Variants in THSD7B observed in about 807,000 individuals in gnomAD.
The protein encoded by THSD7B is thrombospondin type-1 domain-containing protein 7B.
In THSD7B, 138 loss-of-function variants were observed where a neutral mutation model predicts 213.6. The ratio of observed to expected loss-of-function variants is 0.65; its 90% CI spans 0.56 to 0.74. The LOEUF (loss-of-function observed/expected upper bound fraction) is 0.74. Among genes scored for constraint, THSD7B ranks in the 30% least tolerant of loss-of-function variants. THSD7B has a pLI of 0.00. For synonymous variants in THSD7B, 742 were observed against 687.0 expected, an observed-to-expected ratio of 1.08 and a Z score of -1.25; for missense variants, 1,931 against 1,991.5, an observed-to-expected ratio of 0.97 and a Z score of 0.58.
chr2:137,531,350 A>G (rs979889923), intron 15 of THSD7B, among the ~76,000 whole-genome samples: 1 of 151,970 alleles, frequency 6.6e-6, no homozygotes, highest in Non-Finnish European at 1.5e-5. Context: ...TGCCCTTGAC[A>G]CATCGTTTTG....
At chr2:137,433,664 C>T (rs1344491764) in intron 14 of THSD7B, among the ~76,000 whole-genome samples, 1 of 152,050 alleles carries the variant, frequency 6.6e-6, no homozygotes, top group African/African-American at 2.4e-5. Context: ...TATTTTTCTA[C>T]TTTCTCTAGG....
At chr2:137,532,256 A>G (rs1680412197) in intron 15 of THSD7B, among the ~76,000 whole-genome samples, 1 of 151,904 alleles carries the variant, frequency 6.6e-6, no homozygotes, top group Non-Finnish European at 1.5e-5. Context: ...TCTTCTGTAT[A>G]TCAAATGCCA....
chr2:136,800,027 T>C (rs1426819261), intron 1 of THSD7B, among the ~76,000 whole-genome samples: 1 of 152,010 alleles, frequency 6.6e-6, no homozygotes, highest in Non-Finnish European at 1.5e-5. Context: ...ATGTGTTCAC[T>C]CTAGGGGGAA....
chr2:137,657,045 A>T lies in THSD7B; in HGVS notation c.4280-20A>T. The T allele has an allele frequency of 2.5e-6, 4 of 1,613,724 alleles. No homozygotes were observed. Among genetic ancestry groups the T allele is most frequent in the Non-Finnish European group, 2.5e-6 (3 of 1,179,702 alleles). ...CTAAGTGAGGTGTAATAGAACTGCTATTATCATATTTACTTACAGGAGGCA... is the reference window on the plus strand; with the variant it reads ...CTAAGTGAGGTGTAATAGAACTGCTTTTATCATATTTACTTACAGGAGGCA... On this transcript the variant is annotated intron_variant, in intron 23 of 27. Transcript: ENST00000409968.
At chr2:137,188,914 T>A (rs1680604780) in intron 7 of THSD7B, among the ~76,000 whole-genome samples, 1 of 152,202 alleles carries the variant, frequency 6.6e-6, no homozygotes, top group African/African-American at 2.4e-5. Flanking sequence ...GAGTTTTACA[T>A]AGAGTGGTCA....
intron 1 of THSD7B, among the ~76,000 whole-genome samples, chr2:136,806,102 G>A (rs576190598): frequency 2.0e-5 from 3 of 152,308 alleles, no homozygotes; most frequent in East Asian, 3.9e-4. Context: ...ATATAACTTG[G>A]CCACAGCATT....
intron 6 of THSD7B, among the ~76,000 whole-genome samples, chr2:137,170,207 A>AT (rs1166515167): frequency 1.3e-5 from 2 of 152,242 alleles, no homozygotes; most frequent in Admixed American, 1.3e-4. Context: ...GCCTGGGTGG[A>AT]AAGTGAACTC....
At chr2:137,593,875 T>C (rs1681909420) in intron 17 of THSD7B, among the ~76,000 whole-genome samples, 1 of 152,016 alleles carries the variant, frequency 6.6e-6, no homozygotes, top group Admixed American at 6.6e-5. Flanking sequence ...TTTTTTCATC[T>C]TTTCTTCTAA....
chr2:137,269,216 G>T (rs888680058), intron 10 of THSD7B, among the ~76,000 whole-genome samples: 2 of 152,102 alleles, frequency 1.3e-5, no homozygotes, highest in Admixed American at 6.6e-5. Flanking sequence ...ATCTTACTTT[G>T]ATACTAAATG....
intron 5 of THSD7B, among the ~76,000 whole-genome samples, chr2:137,126,833 A>G (rs1688637156): frequency 1.3e-5 from 2 of 152,214 alleles, no homozygotes; most frequent in South Asian, 4.1e-4. Context: ...GAACATGTAG[A>G]AGTCATGGTA....
At chr2:137,477,891 C>A (rs931749191) in intron 15 of THSD7B, among the ~76,000 whole-genome samples, 3 of 151,770 alleles carry the variant, frequency 2.0e-5, no homozygotes, top group Non-Finnish European at 4.4e-5. Context: ...TTTCTTTCAG[C>A]ATTTTGAATA....
At chr2:137,571,721 T>A (rs1681358761) in intron 16 of THSD7B, among the ~76,000 whole-genome samples, 2 of 152,196 alleles carry the variant, frequency 1.3e-5, no homozygotes, top group Admixed American at 1.3e-4. Flanking sequence ...CCAGTACTTA[T>A]CTCAAAACCT....
rs190519871 is a variant in THSD7B, at chr2:136,997,266, T to G, written c.140-59154T>G. ...CCCTCCTTTTTCTTCCCTTTCATCT[T>G]TAGTCAAAATCCTACCTAAAATGAA... On this transcript the variant is annotated intron_variant, in intron 2 of 27. Transcript: ENST00000409968. Among the ~76,000 whole-genome samples, 156 of 152,320 alleles carry G rather than the reference T, an allele frequency of 1.0e-3. 1 individual carries two copies. The highest frequency in any genetic ancestry group is 3.7e-3 in the African/African-American group (154 of 41,572).
intron 10 of THSD7B, among the ~76,000 whole-genome samples, chr2:137,260,969 T>C (rs185937774): frequency 2.0e-5 from 3 of 152,144 alleles, no homozygotes; most frequent in Non-Finnish European, 4.4e-5. Flanking sequence ...TTTATTTTAT[T>C]TTATTTTTAT....
intron 8 of THSD7B, among the ~76,000 whole-genome samples, chr2:137,232,262 G>A (rs1033251282): frequency 6.6e-6 from 1 of 152,188 alleles, no homozygotes; most frequent in Non-Finnish European, 1.5e-5. Flanking sequence ...TCATCCAAGA[G>A]TCTATGGATG....
chr2:136,832,572 A>G (rs1682774586), intron 1 of THSD7B, among the ~76,000 whole-genome samples: 1 of 152,188 alleles, frequency 6.6e-6, no homozygotes, highest in Non-Finnish European at 1.5e-5. Flanking sequence ...AATCATGTCT[A>G]CACTGGGCAC....
intron 14 of THSD7B, among the ~76,000 whole-genome samples, chr2:137,449,012 T>C (rs1025899851): frequency 1.3e-5 from 2 of 152,170 alleles, no homozygotes; most frequent in South Asian, 2.1e-4. Flanking sequence ...TGTTGACTTT[T>C]TATTATAAAG....
chr2:137,629,705 T>A (rs1682703765), intron 20 of THSD7B, among the ~76,000 whole-genome samples: 2 of 152,152 alleles, frequency 1.3e-5, no homozygotes, highest in African/African-American at 4.8e-5. Context: ...CTTGGAGAAA[T>A]GAAGTTGCAT....
At chr2:136,869,942 C>T (rs1313463723) in intron 1 of THSD7B, among the ~76,000 whole-genome samples, 2 of 151,972 alleles carry the variant, frequency 1.3e-5, no homozygotes, top group Non-Finnish European at 2.9e-5. Context: ...CATGGTGGCA[C>T]GTGCCTGTAA....
Sources: gnomAD v4.1 joint callset for allele counts (sites outside exome capture counted in the v4.1 genomes callset) on GRCh38, gnomAD v4.1.1 for gene constraint, MANE v1.5 for transcripts, NCBI Gene and HGNC (gene_info 2026-07-23, HGNC 2026-07-21) for gene names.